The following GALNT17 variants were observed in gnomAD, a reference collection of about 807,000 sequenced individuals.
GALNT17 encodes the protein UDP-GalNAc:polypeptide N-acetylgalactosaminyltransferase-like 3.
GALNT17 carries 29 observed loss-of-function variants against 63.7 expected under a neutral mutation model. The observed-to-expected ratio is 0.46, with a 90% CI of 0.34 to 0.62. The LOEUF (loss-of-function observed/expected upper bound fraction) is 0.62. Ranked by LOEUF, GALNT17 falls within the 20% of genes least tolerant of loss-of-function variation. GALNT17 has a pLI of 0.01. For synonymous variants in GALNT17, 305 were observed against 318.3 expected, an observed-to-expected ratio of 0.96 and a Z score of 0.45; for missense variants, 603 against 799.6, an observed-to-expected ratio of 0.75 and a Z score of 2.97.
At chr7:71,697,896 G>T (rs1791567902) in intron 9 of GALNT17, among the ~76,000 whole-genome samples, 1 of 152,058 alleles carries the variant, frequency 6.6e-6, no homozygotes, top group Admixed American at 6.6e-5. Flanking sequence ...GCCTAGTCAG[G>T]CAGATCACCT....
At chr7:71,446,503 A>G (rs1472469573) in intron 5 of GALNT17, among the ~76,000 whole-genome samples, 1 of 152,224 alleles carries the variant, frequency 6.6e-6, no homozygotes, top group Admixed American at 6.5e-5. Context: ...AGTCAAATAT[A>G]TATTCTACAA....
intron 1 of GALNT17, among the ~76,000 whole-genome samples, chr7:71,203,416 A>G (rs1006655005): frequency 5.3e-5 from 8 of 152,152 alleles, no homozygotes; most frequent in African/African-American, 1.9e-4. Context: ...TTTTTAATAT[A>G]CTTGTTGGCC....
chr7:71,449,103 A>ATTTTTTTTTTTTTTTTTT (rs1583963031), intron 5 of GALNT17, among the ~76,000 whole-genome samples: 2 of 45,612 alleles, frequency 4.4e-5, no homozygotes, highest in Non-Finnish European at 8.6e-5. Flanking sequence ...ACAGCTGCCT[A>ATTTTTTTTTTTTTTTTTT]TTTTCTTTTT....
At chr7:71,166,987 A>T (rs866853794) in intron 1 of GALNT17, among the ~76,000 whole-genome samples, 1 of 144,716 alleles carries the variant, frequency 6.9e-6, no homozygotes, top group Admixed American at 7.0e-5. Context: ...TGATCCTTCC[A>T]CCTCAGCCTC....
At chr7:71,692,364 A>G (rs1488320080) in intron 9 of GALNT17, among the ~76,000 whole-genome samples, 2 of 152,172 alleles carry the variant, frequency 1.3e-5, no homozygotes, top group African/African-American at 4.8e-5. Flanking sequence ...TCAAAGAAAT[A>G]TATTGATTTG....
Position 71,687,525 on chromosome 7 carries a change from G to A in GALNT17, c.1500+10219G>A, listed in dbSNP as rs143731867. Among the ~76,000 whole-genome samples, 1,379 of 152,212 alleles carry A rather than the reference G, an allele frequency of 9.1e-3. 3 individuals are homozygous for A. Among genetic ancestry groups the A allele is most frequent in the Admixed American group, 0.016 (239 of 15,274 alleles). ...GCCTTTGAGAACACATTGAAGTTTCGCCCAAGAAAAGATGGCTTTGGTCCA... is the reference window on the plus strand; with the variant it reads ...GCCTTTGAGAACACATTGAAGTTTCACCCAAGAAAAGATGGCTTTGGTCCA... On this transcript the variant is annotated intron_variant, in intron 9 of 10. Transcript: ENST00000333538.
intron 3 of GALNT17, among the ~76,000 whole-genome samples, chr7:71,400,605 A>G (rs1307759469): frequency 6.6e-6 from 1 of 152,246 alleles, no homozygotes; most frequent in East Asian, 1.9e-4. Context: ...TTTCTTTCCA[A>G]AATAAATTCC....
intron 5 of GALNT17, among the ~76,000 whole-genome samples, chr7:71,567,674 A>G (rs1441956521): frequency 6.6e-6 from 1 of 152,158 alleles, no homozygotes; most frequent in Admixed American, 6.5e-5. Context: ...CATGTTGGTC[A>G]GGCTGGTCTC....
At chr7:71,648,049 C>T (rs1299332114) in intron 6 of GALNT17, among the ~76,000 whole-genome samples, 1 of 152,212 alleles carries the variant, frequency 6.6e-6, no homozygotes, top group Non-Finnish European at 1.5e-5. Context: ...TCCTCACAGT[C>T]ATTATCTCCA....
At chr7:71,466,679 T>C (rs1787541365) in intron 5 of GALNT17, among the ~76,000 whole-genome samples, 1 of 152,156 alleles carries the variant, frequency 6.6e-6, no homozygotes, top group Non-Finnish European at 1.5e-5. Context: ...TAACAAGAGC[T>C]TTGGCTTCCA....
chr7:71,230,766 T>G (rs1789773332), intron 1 of GALNT17, among the ~76,000 whole-genome samples: 1 of 152,180 alleles, frequency 6.6e-6, no homozygotes, highest in African/African-American at 2.4e-5. Flanking sequence ...GTTTTTGGTT[T>G]TTCAGATCCC....
rs539068874 is a variant in GALNT17, at chr7:71,268,080, A to G, written c.239-67470A>G. ...GGATGCCTCTGTGGAGGACCTACCAAGGGATTCACAAGATTCGTCCTGCAG... is the reference window on the plus strand; with the variant it reads ...GGATGCCTCTGTGGAGGACCTACCAGGGGATTCACAAGATTCGTCCTGCAG... On this transcript the variant is annotated intron_variant, in intron 1 of 10. Transcript: ENST00000333538. Among the ~76,000 whole-genome samples, 3 of 152,302 alleles carry G rather than the reference A, an allele frequency of 2.0e-5. No individual in the cohort carries two copies. In the South Asian group the frequency reaches 6.2e-4, roughly 32 times the overall value.
intron 1 of GALNT17, among the ~76,000 whole-genome samples, chr7:71,265,271 C>T (rs975546673): frequency 2.0e-5 from 3 of 150,082 alleles, no homozygotes; most frequent in African/African-American, 4.9e-5. Context: ...GGATTATAGG[C>T]GCATGCCACC....
chr7:71,451,629 A>G (rs968916185), intron 5 of GALNT17, among the ~76,000 whole-genome samples: 62 of 151,958 alleles, frequency 4.1e-4, no homozygotes, highest in African/African-American at 1.5e-3. Context: ...TTTGAGTTGA[A>G]ATCTCAGTTC....
At chr7:71,255,714 G>A (rs1303677591) in intron 1 of GALNT17, among the ~76,000 whole-genome samples, 2 of 152,186 alleles carry the variant, frequency 1.3e-5, no homozygotes, top group African/African-American at 4.8e-5. Flanking sequence ...AAACGTACAG[G>A]TTGCCTGGGG....
At chr7:71,599,885 G>A (rs1253645620) in intron 6 of GALNT17, among the ~76,000 whole-genome samples, 4 of 151,862 alleles carry the variant, frequency 2.6e-5, no homozygotes, top group African/African-American at 9.7e-5. Context: ...CTTATTGTGG[G>A]GTAGAGGGTA....
intron 5 of GALNT17, among the ~76,000 whole-genome samples, chr7:71,538,836 A>C (rs1353390753): frequency 2.1e-5 from 3 of 146,046 alleles, no homozygotes; most frequent in Non-Finnish European, 4.5e-5. Flanking sequence ...AGTTGGACGG[A>C]GGGAGAGAGA....
At chr7:71,390,315 G>T (rs1268969004) in intron 3 of GALNT17, among the ~76,000 whole-genome samples, 3 of 152,132 alleles carry the variant, frequency 2.0e-5, no homozygotes, top group South Asian at 2.1e-4. Context: ...TAATCAGCCT[G>T]GGAGCTGATA....
chr7:71,440,031 G>A (rs761718045), intron 5 of GALNT17, among the ~76,000 whole-genome samples: 9 of 145,484 alleles, frequency 6.2e-5, no homozygotes, highest in African/African-American at 1.0e-4. Context: ...TTGCAGCCTC[G>A]CTTCCTGGGT....
Sources: allele counts gnomAD v4.1 joint callset (sites outside exome capture counted in the v4.1 genomes callset), GRCh38; gene constraint gnomAD v4.1.1; transcripts MANE v1.5; gene names NCBI Gene and HGNC (gene_info 2026-07-23, HGNC 2026-07-21).